Variants in TFEB observed in about 807,000 individuals in gnomAD.
TFEB encodes transcription factor EB.
A neutral mutation model predicts 48.0 loss-of-function variants in TFEB; 12 were observed. The observed-to-expected ratio is 0.25, with a 90% CI of 0.16 to 0.40. The LOEUF is 0.40. Ranked by LOEUF, TFEB falls within the 10% of genes least tolerant of loss-of-function variation. TFEB has a pLI of 1.00. For synonymous variants in TFEB, 244 were observed against 261.4 expected (o/e 0.93, Z 0.64); for missense variants, 509 against 640.3 (o/e 0.79, Z 2.21).
chr6:41,692,506 C>G (rs1404947003), intron 1 of TFEB, among the ~76,000 whole-genome samples: 1 of 152,200 alleles, frequency 6.6e-6, no homozygotes, highest in Non-Finnish European at 1.5e-5. Flanking sequence ...GCACATCAGC[C>G]CTAATCTCCT....
intron 1 of TFEB, among the ~76,000 whole-genome samples, chr6:41,704,359 C>T (rs1770096168): frequency 6.6e-6 from 1 of 152,234 alleles, no homozygotes; most frequent in Non-Finnish European, 1.5e-5. Flanking sequence ...CCGCTCAGAG[C>T]CTCAGTTTCC....
chr6:41,719,809 T>C (rs1770900186), intron 1 of TFEB, among the ~76,000 whole-genome samples: 1 of 152,172 alleles, frequency 6.6e-6, no homozygotes, highest in African/African-American at 2.4e-5. Context: ...TGAACTCTAG[T>C]ATCCCGAATC....
At chr6:41,694,599 T>C (rs1456830985) in intron 1 of TFEB, among the ~76,000 whole-genome samples, 1 of 151,964 alleles carries the variant, frequency 6.6e-6, no homozygotes, top group Non-Finnish European at 1.5e-5. Flanking sequence ...CCCCCATCCT[T>C]AGCCTCCAAG....
At position 41,685,046 on chromosome 6, in the gene TFEB, G is replaced by T. The variant is rs1483765449; in HGVS notation, c.984C>A (p.Leu328=). 6.8e-7 allele frequency: 1 copy of T among 1,478,426 alleles called. No homozygotes were observed. The allele number at this position is 1,478,426 out of a possible 1,614,324, so 91.6% of individuals were successfully genotyped here. A position where few individuals can be genotyped will look rare whatever the true frequency, so the allele number is the denominator to read the frequency against. ...TCATGCCGGACGGGGAGGTGGTAGGGAGGCCGTGCACTCGAGCCTGCATCT... is the reference window on the plus strand; with the variant it reads ...TCATGCCGGACGGGGAGGTGGTAGGTAGGCCGTGCACTCGAGCCTGCATCT... ...ELEMQARVHG[L]PTTSPSGMNM... Residue 328 remains leucine, a synonymous_variant, in exon 9 of 9, where the codon CTC becomes CTA. Coordinates refer to ENST00000373033, the MANE Select transcript of TFEB (RefSeq NM_001271944.2).
At chr6:41,726,200 G>A (rs1480461051) in intron 1 of TFEB, among the ~76,000 whole-genome samples, 1 of 152,208 alleles carries the variant, frequency 6.6e-6, no homozygotes, top group Non-Finnish European at 1.5e-5. Flanking sequence ...ACTGTTGGGT[G>A]GGAAAAGCCT....
In TFEB at chr6:41,691,589, G is replaced by A. The variant is rs59689567; in HGVS notation, c.-22-354C>T. Reference sequence around the variant, plus strand: ...CACCCTCCTTTGCTGCCACAAGGTGGGCCCAGCCTATCCTGGGTCTTACCT... The same window carrying A: ...CACCCTCCTTTGCTGCCACAAGGTGAGCCCAGCCTATCCTGGGTCTTACCT... On this transcript the variant is annotated intron_variant, in intron 1 of 8. Transcript: ENST00000373033. The surrounding 1 kb of genome is among the most constrained non-coding windows in gnomAD (Gnocchi z 5.2). The A allele has an allele frequency of 0.15, 68,513 of 462,568 alleles. 5,320 individuals are homozygous for A. Among genetic ancestry groups the A allele is most frequent in the Middle Eastern group, 0.22 (561 of 2,502 alleles). The allele number at this position is 462,568 out of a possible 1,614,324, so 28.7% of individuals were successfully genotyped here.
chr6:41,703,297 AG>A (rs1003996274), intron 1 of TFEB, among the ~76,000 whole-genome samples: 2 of 152,200 alleles, frequency 1.3e-5, no homozygotes, highest in African/African-American at 4.8e-5. Flanking sequence ...ACCCAGCCGC[AG>A]GCCCAGGACC....
intron 1 of TFEB, among the ~76,000 whole-genome samples, chr6:41,721,860 C>T (rs1270510168): frequency 6.6e-6 from 1 of 152,232 alleles, no homozygotes; most frequent in African/African-American, 2.4e-5. Flanking sequence ...AGAACCACTG[C>T]ACCCTCATGC....
chr6:41,709,341 A>T (rs539750505), intron 1 of TFEB, among the ~76,000 whole-genome samples: 1 of 152,322 alleles, frequency 6.6e-6, no homozygotes, highest in East Asian at 1.9e-4. Context: ...TCATGTGTAA[A>T]ATTAGGACAA....
chr6:41,685,009 G>A lies in TFEB; in HGVS notation c.1021C>T (p.Leu341=). Residue 341 remains leucine (L), a synonymous_variant, in exon 9 of 9, where the codon CTG becomes TTG. Coordinates refer to ENST00000373033, the MANE Select transcript of TFEB (RefSeq NM_001271944.2). ...TCCTGCTTCACCACCTGCTGGGCCA[G>A]CTCAGCCATGTTCATGCCGGACGGG... is the stretch of plus-strand genomic sequence containing the variant. ...TSPSGMNMAE[L]AQQVVKQELP... The A allele has an allele frequency of 6.5e-7, 1 of 1,537,766 alleles. No homozygotes were observed.
intron 1 of TFEB, among the ~76,000 whole-genome samples, chr6:41,699,615 C>T (rs1581895765): frequency 6.6e-6 from 1 of 152,206 alleles, no homozygotes; most frequent in Non-Finnish European, 1.5e-5. Flanking sequence ...ATGTCCACTC[C>T]TTTGGGTTCT....
chr6:41,704,623 T>C (rs1457780849), intron 1 of TFEB, among the ~76,000 whole-genome samples: 1 of 152,218 alleles, frequency 6.6e-6, no homozygotes, highest in Non-Finnish European at 1.5e-5. Context: ...TGAGTCAGAA[T>C]CTGCATTTTA....
chr6:41,701,957 A>AAAG (rs1554135110), intron 1 of TFEB, among the ~76,000 whole-genome samples: 4 of 151,810 alleles, frequency 2.6e-5, no homozygotes, highest in African/African-American at 7.3e-5. Flanking sequence ...AAAAAAAAAA[A>AAAG]AAAGAAAGAT....
chr6:41,688,230 A>T, intron 4 of TFEB: 1 of 579,150 alleles, frequency 1.7e-6, no homozygotes, highest in Non-Finnish European at 2.9e-6. Flanking sequence ...GCCCTCAAGG[A>T]GCCCCTGGCC....
intron 1 of TFEB, among the ~76,000 whole-genome samples, chr6:41,709,335 G>A (rs1029033182): frequency 1.3e-5 from 2 of 152,250 alleles, no homozygotes; most frequent in Non-Finnish European, 2.9e-5. Flanking sequence ...GTATCCTCAT[G>A]TGTAAAATTA....
chr6:41,704,685 C>A (rs919548710), intron 1 of TFEB, among the ~76,000 whole-genome samples: 3 of 152,216 alleles, frequency 2.0e-5, no homozygotes, highest in African/African-American at 7.2e-5. Flanking sequence ...TTACTTGTTG[C>A]CTTCTGGGGA....
rs1035134873 is a variant in TFEB, at chr6:41,691,736, C to A, written c.-22-501G>T. On this transcript the variant is annotated intron_variant, in intron 1 of 8. Transcript: ENST00000373033. The surrounding 1 kb of genome is among the most constrained non-coding windows in gnomAD (Gnocchi z 5.2). ...TGTTAAATCCTAAGTCAGATCCTGT[C>A]TTCCCCTCTGCTCACAACTCCCCAT... Among the ~76,000 whole-genome samples, 7 of 152,136 alleles carry A rather than the reference C, an allele frequency of 4.6e-5. No homozygotes were observed. The highest frequency in any genetic ancestry group is 1.7e-4 in the African/African-American group (7 of 41,418).
chr6:41,713,314 G>A (rs1770568337), intron 1 of TFEB, among the ~76,000 whole-genome samples: 1 of 152,168 alleles, frequency 6.6e-6, no homozygotes, highest in South Asian at 2.1e-4. Flanking sequence ...TGGGCAGGTG[G>A]AGCTTGTCCT....
Position 41,707,367 on chromosome 6 carries a change from C to T in TFEB, c.-22-16132G>A, listed in dbSNP as rs74790981. ...CTCCTACCCCTGCCACCCCAGCACACGCACCCAGAGCAGACCTGGTTTGGA... is the reference window on the plus strand; with the variant it reads ...CTCCTACCCCTGCCACCCCAGCACATGCACCCAGAGCAGACCTGGTTTGGA... On this transcript the variant is annotated intron_variant, in intron 1 of 8. Coordinates refer to ENST00000373033, the MANE Select transcript of TFEB (RefSeq NM_001271944.2). Among the ~76,000 whole-genome samples, 95 of 152,302 alleles carry T rather than the reference C, an allele frequency of 6.2e-4. 2 individuals are homozygous for T. The East Asian group carries it at 0.014, about 22-fold the overall frequency.
Sources: gnomAD v4.1 joint callset for allele counts (sites outside exome capture counted in the v4.1 genomes callset) on GRCh38, gnomAD v4.1.1 for gene constraint, Gnocchi (gnomAD v3.1) non-coding constraint, MANE v1.5 for transcripts, NCBI Gene and HGNC (gene_info 2026-07-23, HGNC 2026-07-21) for gene names.